Variants in MIAT observed in about 807,000 individuals in gnomAD.
MIAT encodes myocardial infarction associated transcript, also known as MI related novel mRNA.
chr22:26,663,265 A>G, intron 2 of MIAT: 1 of 398,506 alleles, frequency 2.5e-6, no homozygotes, highest in Non-Finnish European at 4.4e-6. Context: ...CACTGTACCC[A>G]TGGGTATGTA....
At chr22:26,675,012 T>C in exon 5 of MIAT, 2 of 398,626 alleles carry the variant, frequency 5.0e-6, no homozygotes, top group Non-Finnish European at 8.8e-6. Flanking sequence ...CAGACAAGAT[T>C]GATGTGCACC....
chr22:26,646,983 A>G, intron 1 of MIAT: 1 of 398,562 alleles, frequency 2.5e-6, no homozygotes, highest in Non-Finnish European at 4.4e-6. Context: ...AGGGGACTGC[A>G]TTTCTGCAGC....
At chr22:26,659,840 C>CTTTTTT (rs1189391284) in intron 2 of MIAT, among the ~76,000 whole-genome samples, 88 of 94,964 alleles carry the variant, frequency 9.3e-4, no homozygotes, top group South Asian at 2.2e-3. Context: ...TTCTTTCTTT[C>CTTTTTT]TTTTTTTTTT....
intron 2 of MIAT, among the ~76,000 whole-genome samples, chr22:26,648,024 A>G (rs565011778): frequency 2.0e-5 from 3 of 152,204 alleles, no homozygotes; most frequent in Non-Finnish European, 2.9e-5. Flanking sequence ...CTGTCCATAC[A>G]GGAAAAAAGA....
downstream of MIAT, chr22:26,670,987 G>C: frequency 2.5e-6 from 1 of 398,302 alleles, no homozygotes; most frequent in Non-Finnish European, 4.4e-6. Context: ...ATGGTGGGAG[G>C]GCAGGCCAAT....
downstream of MIAT, chr22:26,671,830 T>TA (rs370514350): frequency 1.1e-3 from 382 of 347,122 alleles, no homozygotes; most frequent in African/African-American, 3.6e-3. Flanking sequence ...GGCAGACACC[T>TA]AAAAAAAAAA....
chr22:26,661,100 T>C (rs969744907), intron 2 of MIAT, among the ~76,000 whole-genome samples: 5 of 152,194 alleles, frequency 3.3e-5, no homozygotes, highest in African/African-American at 1.2e-4. Context: ...AGGCTGCTGG[T>C]TTGTCTCCTG....
At chr22:26,667,605 T>C in intron 5 of MIAT, 1 of 273,586 alleles carries the variant, frequency 3.7e-6, no homozygotes, top group Non-Finnish European at 6.7e-6. Flanking sequence ...TTTACTGCTT[T>C]TCCTCTGGTC....
intron 5 of MIAT, chr22:26,667,911 T>C: frequency 3.2e-6 from 1 of 317,386 alleles, no homozygotes; most frequent in Non-Finnish European, 5.7e-6. Context: ...GCTCAAGTGA[T>C]CCTCCTTCCT....
downstream of MIAT, chr22:26,671,137 G>T: frequency 2.5e-6 from 1 of 398,650 alleles, no homozygotes; most frequent in South Asian, 1.3e-4. Flanking sequence ...GGAAGGGGCT[G>T]ACCAGAACCA....
At chr22:26,661,929 T>TCTATATAGATCC (rs1930682719) in intron 2 of MIAT, among the ~76,000 whole-genome samples, 1 of 18,040 alleles carries the variant, frequency 5.5e-5, no homozygotes, top group African/African-American at 4.1e-4. Flanking sequence ...TATATATATA[T>TCTATATAGATCC]ATATATATAT....
At chr22:26,669,589 G>A (rs2146017621) in exon 6 of MIAT, 1 of 398,666 alleles carries the variant, frequency 2.5e-6, no homozygotes, top group East Asian at 3.6e-5. Flanking sequence ...TCACATAGCA[G>A]GCTACTGCTT....
rs939663539 is a variant in MIAT, at chr22:26,656,474, G to A, written n.647-6842G>A. Among the ~76,000 whole-genome samples the A allele has an allele frequency of 3.3e-5, 5 of 150,948 alleles. No individual in the cohort carries two copies. The East Asian group carries it at 5.9e-4, about 18-fold the overall frequency. On this transcript the variant is annotated intron_variant and non_coding_transcript_variant, in intron 2 of 5. Transcript: ENST00000643270. ...CGAGTAGCTGGGATTACAGGCACCC[G>A]CCACCACACCCGGCTAATTTTTTAG... is the stretch of plus-strand genomic sequence containing the variant.
downstream of MIAT, chr22:26,671,746 A>G: frequency 2.5e-6 from 1 of 398,490 alleles, no homozygotes; most frequent in East Asian, 3.6e-5. Flanking sequence ...CAGTTTCCTC[A>G]GTGGTAGAAT....
intron 2 of MIAT, among the ~76,000 whole-genome samples, chr22:26,659,837 TTTC>T (rs764757466): frequency 0.24 from 27,065 of 114,922 alleles, 2,606 homozygotes; most frequent in East Asian, 0.41. Context: ...TCTTTCTTTC[TTTC>T]TTTTTTTTTT....
exon 5 of MIAT, chr22:26,675,952 G>T (rs1931245816): frequency 2.5e-6 from 1 of 398,532 alleles, no homozygotes; most frequent in South Asian, 1.3e-4. Context: ...AAGAGTGTGT[G>T]TGCATCTTGA....
chr22:26,649,623 G>A (rs951334619), intron 2 of MIAT, among the ~76,000 whole-genome samples: 3 of 152,194 alleles, frequency 2.0e-5, no homozygotes, highest in Non-Finnish European at 2.9e-5. Flanking sequence ...AGAGATAAAA[G>A]CAGGTGGAGG....
chr22:26,657,066 T>G (rs1930481149), intron 2 of MIAT, among the ~76,000 whole-genome samples: 2 of 152,244 alleles, frequency 1.3e-5, no homozygotes, highest in Admixed American at 1.3e-4. Flanking sequence ...GAGGTCTTCC[T>G]GGTTAAGCCC....
At chr22:26,653,057 T>C (rs923295716) in intron 2 of MIAT, among the ~76,000 whole-genome samples, 2 of 152,172 alleles carry the variant, frequency 1.3e-5, no homozygotes, top group African/African-American at 4.8e-5. Context: ...CCAGCTCTAC[T>C]TCTCAAACCA....
Sources: gnomAD v4.1 joint callset for allele counts (sites outside exome capture counted in the v4.1 genomes callset) on GRCh38, gnomAD v4.1.1 for gene constraint, MANE v1.5 for transcripts, NCBI Gene and HGNC (gene_info 2026-07-23, HGNC 2026-07-21) for gene names.